Variants in SPRYD3 observed in about 807,000 individuals in gnomAD.
The protein encoded by SPRYD3 is SPRY domain-containing protein 3.
In SPRYD3, 17 loss-of-function variants were observed where a neutral mutation model predicts 50.1. That is an observed-to-expected ratio of 0.34 (90% CI 0.23 to 0.51). SPRYD3 has a LOEUF of 0.51. SPRYD3 is among the 20% of genes least tolerant of loss of function. SPRYD3 has a pLI of 0.97. For synonymous variants in SPRYD3, 198 were observed against 215.5 expected, an observed-to-expected ratio of 0.92 and a Z score of 0.71; for missense variants, 401 against 591.2, an observed-to-expected ratio of 0.68 and a Z score of 3.34.
Position 53,066,363 on chromosome 12 carries a change from T to A in SPRYD3, c.1145A>T (p.Glu382Val). ...CGGCTCTATCTCTTCCCCATCCTCTTCCTCTTCCTCTTCCTCCTCTTCCTC... is the reference window on the plus strand; with the variant it reads ...CGGCTCTATCTCTTCCCCATCCTCTACCTCTTCCTCTTCCTCCTCTTCCTC... ...GEEEEEEEEE[E>V]EDGEEIEPEH... The change falls in exon 10 of 11, where the codon GAA becomes GTA. Residue 382 changes from glutamate to valine, a missense_variant. Transcript: ENST00000301463. 6.2e-7 allele frequency: 1 copy of A among 1,613,678 alleles called. No individual in the cohort carries two copies. Among genetic ancestry groups the A allele is most frequent in the Non-Finnish European group, 8.5e-7 (1 of 1,179,736 alleles).
At chr12:53,070,698 A>G (rs759986696) in intron 6 of SPRYD3, among the ~76,000 whole-genome samples, 5 of 152,202 alleles carry the variant, frequency 3.3e-5, no homozygotes, top group African/African-American at 4.8e-5. Flanking sequence ...ATCAGTGTAA[A>G]TGGGGTTACG....
chr12:53,078,738 A>G (rs1235033470), intron 1 of SPRYD3, among the ~76,000 whole-genome samples: 3 of 152,176 alleles, frequency 2.0e-5, no homozygotes, highest in Non-Finnish European at 4.4e-5. Context: ...TGGGAGCCAA[A>G]AGTGAGAAAG....
Position 53,077,136 on chromosome 12 carries a change from A to G in SPRYD3, c.149T>C (p.Leu50Pro). ...TCACCTTAAAGTATCTCCATCTACA[A>G]GGATATGTTTGAACCTCTCCTGATA... ...FRYQERFKHI[L>P]VDGDTLSYHG... The change falls in exon 2 of 11, where the codon CTT becomes CCT. Residue 50 changes from leucine to proline, a missense_variant. Leu to Pro is a moderately conservative substitution (Grantham distance 98, BLOSUM62 -3). Transcript: ENST00000301463. The G allele has an allele frequency of 1.2e-6, 2 of 1,614,232 alleles. No homozygotes were observed. Among genetic ancestry groups the G allele is most frequent in the Non-Finnish European group, 1.7e-6 (2 of 1,180,044 alleles).
chr12:53,067,280 G>T (rs1057272885), intron 8 of SPRYD3, among the ~76,000 whole-genome samples: 1 of 152,046 alleles, frequency 6.6e-6, no homozygotes, highest in African/African-American at 2.4e-5. Flanking sequence ...AGGGCAGGCA[G>T]GGGGAGGTGG....
Position 53,066,484 on chromosome 12 carries a change from C to G in SPRYD3, c.1024G>C (p.Asp342His), listed in dbSNP as rs1425303005. The G allele has an allele frequency of 6.2e-6, 10 of 1,614,022 alleles. No individual in the cohort carries two copies. The East Asian group carries it at 2.2e-4, about 36-fold the overall frequency. ...ACTGTGTCACAACTGTCATCACTGT[C>G]CCCTAGGAGACCAGGAAACCTGAGC... The part of the protein sequence containing the change: ...PRDYILDSEG[D>H]SDDSCDTVIL... Residue 342 changes from aspartate (D) to histidine (H), a missense_variant and splice_region_variant, in exon 10 of 11, where the codon GAC (aspartate) becomes CAC (histidine). Transcript: ENST00000301463.
At position 53,073,394 on chromosome 12, in the gene SPRYD3, C is replaced by T. The variant is rs1465575987; in HGVS notation, c.585G>A (p.Val195=). The part of the protein sequence containing the change: ...AVGMHSLGEE[V]RLHLNAELGR... ...CCAGCTCAGCGTTGAGGTGCAGCCG[C>T]ACCTCCTCACCCAGGGAGTGCATGC... The change falls in exon 6 of 11, where the codon GTG becomes GTA. Residue 195 remains valine, a synonymous_variant. Coordinates refer to ENST00000301463, the MANE Select transcript of SPRYD3 (RefSeq NM_032840.3). 8 of 1,583,540 alleles carry T rather than the reference C, an allele frequency of 5.1e-6. No individual in the cohort carries two copies. Among genetic ancestry groups the T allele is most frequent in the Admixed American group, 1.8e-5 (1 of 54,952 alleles).
intron 1 of SPRYD3, among the ~76,000 whole-genome samples, chr12:53,077,800 C>G: frequency 6.6e-6 from 1 of 152,180 alleles, no homozygotes; most frequent in East Asian, 1.9e-4. Flanking sequence ...GAGAATAAGG[C>G]AGGAGTCAGA....
intron 6 of SPRYD3, among the ~76,000 whole-genome samples, chr12:53,068,680 G>A (rs1033978696): frequency 3.3e-5 from 5 of 152,134 alleles, no homozygotes; most frequent in Non-Finnish European, 7.3e-5. Flanking sequence ...CCAAACACAG[G>A]GGAAAGGAGA....
Position 53,065,935 on chromosome 12 carries a change from C to G in SPRYD3, c.1226G>C (p.Gly409Ala), listed in dbSNP as rs1178442569. ...VFFTRNGKII[G>A]KKDAVVPSGG... is the part of the protein sequence containing the mutation. Reference sequence around the variant, plus strand: ...AGAAGGAACAACAGCATCCTTCTTCCCAATGATCTTGCCATTCCGAGTGAA... The same window carrying G: ...AGAAGGAACAACAGCATCCTTCTTCGCAATGATCTTGCCATTCCGAGTGAA... Residue 409 changes from glycine to alanine, a missense_variant, in exon 11 of 11, where the codon GGG (glycine) becomes GCG (alanine). Physicochemically the swap from Gly to Ala is moderately conservative, Grantham distance 60. Transcript: ENST00000301463. 3.1e-6 allele frequency: 5 copies of G among 1,613,830 alleles called. No homozygotes were observed. Among genetic ancestry groups the G allele is most frequent in the Non-Finnish European group, 4.2e-6 (5 of 1,179,804 alleles).
At chr12:53,076,263 T>C (rs112921599) in intron 2 of SPRYD3, among the ~76,000 whole-genome samples, 4 of 152,344 alleles carry the variant, frequency 2.6e-5, no homozygotes, top group African/African-American at 7.2e-5. Flanking sequence ...CTCAGCTTTC[T>C]TGCCTCTAGT....
rs1006757163 is a variant in SPRYD3 at position 53,066,642 on chromosome 12, G to A, written c.952C>T (p.Arg318Cys). The A allele has an allele frequency of 7.4e-6, 12 of 1,613,844 alleles. No individual in the cohort carries two copies. The highest frequency in any genetic ancestry group is 1.3e-5 in the African/African-American group (1 of 75,022). ...CCCATGATGTCCCCTTTGTAACAGCGTGGCCCAAAGGGGTCCCCCACACCA... is the reference window on the plus strand; with the variant it reads ...CCCATGATGTCCCCTTTGTAACAGCATGGCCCAAAGGGGTCCCCCACACCA... ...GSGVGDPFGP[R>C]CYKGDIMGCG... Residue 318 changes from arginine to cysteine, a missense_variant, in exon 9 of 11, where the codon CGC becomes TGC. Transcript: ENST00000301463.
At position 53,065,088 on chromosome 12, in the gene SPRYD3, G is replaced by A. The variant is rs1359357596; in HGVS notation, c.*744C>T. 1 of 152,468 alleles carries A rather than the reference G, an allele frequency of 6.6e-6. No individual in the cohort carries two copies. The highest frequency in any genetic ancestry group is 2.4e-5 in the African/African-American group (1 of 41,464). 9.4% of individuals were successfully genotyped at this position (152,468 alleles called of 1,614,324 possible). Reference sequence around the variant, plus strand: ...TAGGGACATGGGTGGCACTGGTAAAGAAAGGATGGAAGGGGAGAAAGGAGT... The same window carrying A: ...TAGGGACATGGGTGGCACTGGTAAAAAAAGGATGGAAGGGGAGAAAGGAGT... On this transcript the variant is annotated 3_prime_UTR_variant, in exon 11 of 11. Transcript: ENST00000301463.
intron 2 of SPRYD3, among the ~76,000 whole-genome samples, chr12:53,076,456 A>T (rs1041410528): frequency 1.3e-5 from 2 of 152,206 alleles, no homozygotes; most frequent in African/African-American, 4.8e-5. Context: ...CAGGAAATCA[A>T]CTATCTCTGA....
chr12:53,069,731 T>G (rs1380538539), intron 6 of SPRYD3, among the ~76,000 whole-genome samples: 3 of 152,228 alleles, frequency 2.0e-5, no homozygotes, highest in African/African-American at 7.2e-5. Context: ...CTGCTCAGCC[T>G]GGGTTCCTCC....
In SPRYD3 at chr12:53,067,764, G is replaced by T; in HGVS notation, c.844-59C>A. 2.0e-6 allele frequency: 3 copies of T among 1,495,232 alleles called. 1 individual carries two copies. The South Asian group carries it at 3.4e-5, about 17-fold the overall frequency. 92.6% of individuals were successfully genotyped at this position (1,495,232 alleles called of 1,614,324 possible). A position where few individuals can be genotyped will look rare whatever the true frequency, so the allele number is the denominator to read the frequency against. ...CCATGCATAAACAAGACAGGAGAGA[G>T]TGGCGAGTAGCATCTGAACCTCTGG... is the stretch of plus-strand genomic sequence containing the variant. On this transcript the variant is annotated intron_variant, in intron 7 of 10. Transcript: ENST00000301463.
Position 53,077,145 on chromosome 12 carries a change from T to C in SPRYD3, c.140A>G (p.Lys47Arg), listed in dbSNP as rs754461454. 1.9e-6 allele frequency: 3 copies of C among 1,614,228 alleles called. No individual in the cohort carries two copies. The highest frequency in any genetic ancestry group is 2.2e-5 in the South Asian group (2 of 91,084). The change falls in exon 2 of 11, where the codon AAA (lysine) becomes AGA (arginine). Residue 47 changes from lysine (K) to arginine (R), a missense_variant. Transcript: ENST00000301463. Reference protein sequence around the residue: ...VRAFRYQERFKHILVDGDTLS... With the variant: ...VRAFRYQERFRHILVDGDTLS... ...AGTATCTCCATCTACAAGGATATGT[T>C]TGAACCTCTCCTGATATCGGAAAGC...
At chr12:53,076,905 C>T (rs780354815) in intron 2 of SPRYD3, among the ~76,000 whole-genome samples, 7 of 151,326 alleles carry the variant, frequency 4.6e-5, no homozygotes, top group Non-Finnish European at 8.8e-5. Context: ...GCTGAGATCA[C>T]GCCACTGCAC....
In SPRYD3 at chr12:53,074,991, G is replaced by C. The variant is rs1464294104; in HGVS notation, c.371+104C>G. On this transcript the variant is annotated intron_variant, in intron 4 of 10. Coordinates refer to ENST00000301463, the MANE Select transcript of SPRYD3 (RefSeq NM_032840.3). This position sits in a 1 kb window ranked among gnomAD's most constrained non-coding sequence, Gnocchi z 4.6. ...CCACTTCCCTGTCCTGACCAGAAAA[G>C]TCTATGAAACACCCAATGGGAAAAG... The C allele has an allele frequency of 1.3e-6, 2 of 1,507,520 alleles. No individual in the cohort carries two copies. Among genetic ancestry groups the C allele is most frequent in the East Asian group, 2.3e-5 (1 of 43,922 alleles). The allele number at this position is 1,507,520 out of a possible 1,614,324, so 93.4% of individuals were successfully genotyped here.
Position 53,065,754 on chromosome 12 carries a change from C to A in SPRYD3, c.*78G>T. The A allele has an allele frequency of 1.3e-6, 2 of 1,498,034 alleles. No individual in the cohort carries two copies. The allele number at this position is 1,498,034 out of a possible 1,614,324, so 92.8% of individuals were successfully genotyped here. On this transcript the variant is annotated 3_prime_UTR_variant, in exon 11 of 11. Coordinates refer to ENST00000301463, the MANE Select transcript of SPRYD3 (RefSeq NM_032840.3). Reference sequence around the variant, plus strand: ...CCAGGGGCCTGCTGGGTAAACGAAGCCTCTGGGAAGTCAGGAACTGGGTGC... The same window carrying A: ...CCAGGGGCCTGCTGGGTAAACGAAGACTCTGGGAAGTCAGGAACTGGGTGC...
Sources: gnomAD v4.1 joint callset for allele counts (sites outside exome capture counted in the v4.1 genomes callset) on GRCh38, gnomAD v4.1.1 for gene constraint, Gnocchi (gnomAD v3.1) non-coding constraint, MANE v1.5 for transcripts, NCBI Gene and HGNC (gene_info 2026-07-23, HGNC 2026-07-21) for gene names.